Variants in MTHFD1L observed in about 807,000 individuals in gnomAD.
MTHFD1L encodes monofunctional C1-tetrahydrofolate synthase, mitochondrial.
Under a neutral mutation model 119.5 loss-of-function variants are expected in MTHFD1L, and 81 were observed. The observed-to-expected ratio is 0.68, with a 90% CI of 0.57 to 0.82. MTHFD1L has a LOEUF of 0.82. Among genes scored for constraint, MTHFD1L ranks in the 40% least tolerant of loss-of-function variants. The pLI is 0.00. For synonymous variants in MTHFD1L, 430 were observed against 475.2 expected (o/e 0.90, Z 1.24); for missense variants, 1,125 against 1,253.4 (o/e 0.90, Z 1.55).
chr6:151,090,073 A>C (rs1794236159), intron 26 of MTHFD1L, among the ~76,000 whole-genome samples: 1 of 152,212 alleles, frequency 6.6e-6, no homozygotes, highest in South Asian at 2.1e-4. Context: ...GTCATGTGCA[A>C]TTAGCAAGAC....
At chr6:151,049,347 C>T (rs944420967) in intron 26 of MTHFD1L, among the ~76,000 whole-genome samples, 6 of 152,144 alleles carry the variant, frequency 3.9e-5, no homozygotes, top group Non-Finnish European at 7.3e-5. Context: ...AAAAAATTAG[C>T]CAGGTGTGGT....
intron 5 of MTHFD1L, among the ~76,000 whole-genome samples, chr6:150,883,366 A>T (rs1781677694): frequency 6.6e-6 from 1 of 152,196 alleles, no homozygotes; most frequent in African/African-American, 2.4e-5. Context: ...TGCAAAAGTT[A>T]CATATTTTGG....
intron 13 of MTHFD1L, among the ~76,000 whole-genome samples, chr6:150,940,829 C>T (rs377151049): frequency 1.1e-4 from 17 of 152,274 alleles, no homozygotes; most frequent in African/African-American, 3.9e-4. Flanking sequence ...ACCCACCCAC[C>T]TCGGTCTTCA....
At chr6:150,959,316 GT>G in intron 17 of MTHFD1L, 1 of 549,082 alleles carries the variant, frequency 1.8e-6, no homozygotes, top group Non-Finnish European at 2.3e-6. Flanking sequence ...CTCTCTCTGC[GT>G]AAGCTTGAAC....
chr6:150,886,038 A>T (rs753884376), intron 6 of MTHFD1L, among the ~76,000 whole-genome samples: 1 of 152,210 alleles, frequency 6.6e-6, no homozygotes, highest in African/African-American at 2.4e-5. Flanking sequence ...AACATGCTCA[A>T]TTTCTCTCAT....
At chr6:151,016,117 G>C (rs1265795299) in intron 24 of MTHFD1L, among the ~76,000 whole-genome samples, 1 of 152,048 alleles carries the variant, frequency 6.6e-6, no homozygotes, top group African/African-American at 2.4e-5. Flanking sequence ...AAAGGTAGAA[G>C]AGTTTAAGCC....
intron 21 of MTHFD1L, among the ~76,000 whole-genome samples, chr6:151,013,413 T>C (rs925839808): frequency 6.6e-6 from 1 of 152,252 alleles, no homozygotes. Flanking sequence ...ATGTACTCTG[T>C]ATAAATCAAG....
intron 21 of MTHFD1L, 46 bp from the exon 22 acceptor site, chr6:151,013,733 A>G (rs1422365710): frequency 1.3e-6 from 2 of 1,530,762 alleles, no homozygotes; most frequent in South Asian, 2.3e-5. Context: ...CGGTTGTGTA[A>G]GCATTTTTAT....
chr6:151,078,052 CAAA>C (rs71014538), intron 26 of MTHFD1L, among the ~76,000 whole-genome samples: 55 of 59,938 alleles, frequency 9.2e-4, no homozygotes, highest in African/African-American at 2.8e-3. Flanking sequence ...GACTCTGTCT[CAAA>C]AAAAAAAAAA....
chr6:150,905,032 T>G (rs1785656917), intron 7 of MTHFD1L, among the ~76,000 whole-genome samples: 1 of 131,864 alleles, frequency 7.6e-6, no homozygotes, highest in South Asian at 2.7e-4. Context: ...GCCCTTGTTT[T>G]CCTCTTTTTT....
intron 17 of MTHFD1L, among the ~76,000 whole-genome samples, chr6:150,958,303 GTACCA>G (rs1476465810): frequency 2.0e-5 from 3 of 152,196 alleles, no homozygotes; most frequent in Admixed American, 2.0e-4. Flanking sequence ...TCTCATAGAG[GTACCA>G]TAGTAGATTC....
intron 24 of MTHFD1L, among the ~76,000 whole-genome samples, chr6:151,017,870 T>C (rs1224820497): frequency 6.8e-6 from 1 of 147,792 alleles, no homozygotes; most frequent in Non-Finnish European, 1.5e-5. Context: ...AGTCTTGCTC[T>C]GTCGCCCAGG....
At chr6:150,988,609 G>T (rs12527598) in intron 20 of MTHFD1L, among the ~76,000 whole-genome samples, 13 of 144,442 alleles carry the variant, frequency 9.0e-5, no homozygotes, top group East Asian at 7.1e-4. Context: ...TTTTTTTGTG[G>T]GGGGGGCGGG....
At chr6:151,052,308 T>A (rs549763160) in intron 26 of MTHFD1L, among the ~76,000 whole-genome samples, 8 of 152,254 alleles carry the variant, frequency 5.3e-5, no homozygotes, top group African/African-American at 1.9e-4. Context: ...TACATTTCCA[T>A]CCAGTTCAAA....
chr6:151,045,256 G>A (rs574013097), intron 26 of MTHFD1L, among the ~76,000 whole-genome samples: 5 of 151,970 alleles, frequency 3.3e-5, no homozygotes, highest in African/African-American at 1.2e-4. Flanking sequence ...TCACCCCCCC[G>A]CCAAGCTGCA....
At chr6:151,099,769 G>C in intron 27 of MTHFD1L, 2 of 1,608,874 alleles carry the variant, frequency 1.2e-6, no homozygotes, top group Admixed American at 1.7e-5. Context: ...GGTCCACAAC[G>C]TCAAGGAGCT....
chr6:150,969,365 T>C (rs1340343572), intron 19 of MTHFD1L, among the ~76,000 whole-genome samples: 1 of 151,794 alleles, frequency 6.6e-6, no homozygotes, highest in East Asian at 1.9e-4. Context: ...AAAAAGCAAA[T>C]AAAAGTAAGG....
intron 25 of MTHFD1L, among the ~76,000 whole-genome samples, chr6:151,035,599 A>G (rs1180726387): frequency 6.6e-6 from 1 of 152,144 alleles, no homozygotes; most frequent in East Asian, 1.9e-4. Context: ...GTGCACAGGC[A>G]TTGTGGTGAA....
chr6:150,990,143 G>GCA (rs1778853076), intron 20 of MTHFD1L, among the ~76,000 whole-genome samples: 1 of 152,058 alleles, frequency 6.6e-6, no homozygotes. Context: ...GCCAGGTGAG[G>GCA]TGGTGCGTGC....
Sources: gnomAD v4.1 joint callset for allele counts (sites outside exome capture counted in the v4.1 genomes callset) on GRCh38, gnomAD v4.1.1 for gene constraint, MANE v1.5 for transcripts, NCBI Gene and HGNC (gene_info 2026-07-23, HGNC 2026-07-21) for gene names.